Variants in MYLK observed in about 807,000 individuals in gnomAD.
MYLK encodes myosin light chain kinase, also known as myosin light chain kinase, smooth muscle.
MYLK carries 106 observed loss-of-function variants against 203.4 expected under a neutral mutation model. That is an observed-to-expected ratio of 0.52 (90% CI 0.45 to 0.61). MYLK has a LOEUF of 0.61. Ranked by LOEUF, MYLK falls within the 20% of genes least tolerant of loss-of-function variation. MYLK has a pLI of 0.00. For missense variants in MYLK, 2,072 were observed against 2,442.3 expected, an observed-to-expected ratio of 0.85 and a Z score of 3.20; for synonymous variants, 867 against 959.5, an observed-to-expected ratio of 0.90 and a Z score of 1.78.
chr3:123,693,685 C>T (rs1372688852), intron 18 of MYLK: 1 of 152,456 alleles, frequency 6.6e-6, no homozygotes, highest in Non-Finnish European at 1.5e-5. Context: ...TCTAGGGTCT[C>T]GTCCTGGCCC....
At chr3:123,766,437 G>C (rs553373014) in intron 4 of MYLK, among the ~76,000 whole-genome samples, 1 of 152,380 alleles carries the variant, frequency 6.6e-6, no homozygotes, top group African/African-American at 2.4e-5. Flanking sequence ...ACGGAGGAGG[G>C]TGAGGGCTCC....
intron 4 of MYLK, among the ~76,000 whole-genome samples, chr3:123,767,066 G>A (rs115838481): frequency 0.018 from 2,751 of 152,290 alleles, 83 homozygotes; most frequent in African/African-American, 0.063. Flanking sequence ...GGGAAAAGCT[G>A]CCCAGTTACG....
intron 7 of MYLK, among the ~76,000 whole-genome samples, 190 bp downstream of exon 7, chr3:123,738,707 G>A (rs567844535): frequency 6.6e-5 from 10 of 152,282 alleles, no homozygotes; most frequent in South Asian, 4.1e-4. Flanking sequence ...CTTGCCTGCC[G>A]CCATATAAGG....
chr3:123,619,305 G>A (rs1305739559), intron 32 of MYLK, among the ~76,000 whole-genome samples: 1 of 152,194 alleles, frequency 6.6e-6, no homozygotes, highest in African/African-American at 2.4e-5. Flanking sequence ...GCTGTAACTT[G>A]GAGGGACACC....
At position 123,666,805 on chromosome 3, in the gene MYLK, G is replaced by A. The variant is rs1576482196; in HGVS notation, c.3703+332C>T. ...TGGGCACAAAAATAGCCCCAAGAGG[G>A]TCATGTACACAAGGGTAGGGCAGAG... On this transcript the variant is annotated intron_variant, in intron 21 of 33. Coordinates refer to ENST00000360304, the MANE Select transcript of MYLK (RefSeq NM_053025.4). 7.2e-6 allele frequency: 4 copies of A among 552,476 alleles called. No individual in the cohort carries two copies. The East Asian group carries it at 1.3e-4, about 17-fold the overall frequency. 34.2% of individuals were successfully genotyped at this position (552,476 alleles called of 1,614,324 possible).
chr3:123,864,959 T>C (rs2032227090), intron 2 of MYLK, among the ~76,000 whole-genome samples: 1 of 152,178 alleles, frequency 6.6e-6, no homozygotes, highest in Non-Finnish European at 1.5e-5. Context: ...AAACACCTGC[T>C]AACCTCACAA....
chr3:123,782,255 T>G (rs989221312), intron 4 of MYLK, among the ~76,000 whole-genome samples: 14 of 152,268 alleles, frequency 9.2e-5, no homozygotes, highest in Admixed American at 8.5e-4. Context: ...TACAACCCTC[T>G]TGGAATATGG....
chr3:123,733,107 A>G lies in MYLK; in HGVS notation c.1310-5T>C. 5.6e-6 allele frequency: 9 copies of G among 1,613,184 alleles called. No homozygotes were observed. Among genetic ancestry groups the G allele is most frequent in the Non-Finnish European group, 7.6e-6 (9 of 1,179,692 alleles). ...CAGGCTTTGGAATCCCGGAAACTACAGGGCCAGGTAAAGAACGTGAGCTCC... is the reference window on the plus strand; with the variant it reads ...CAGGCTTTGGAATCCCGGAAACTACGGGGCCAGGTAAAGAACGTGAGCTCC... On this transcript the variant is annotated splice_region_variant and splice_polypyrimidine_tract_variant and intron_variant, in intron 10 of 33. Coordinates refer to ENST00000360304, the MANE Select transcript of MYLK (RefSeq NM_053025.4).
Position 123,722,150 on chromosome 3 carries a change from G to A in MYLK, c.1782C>T (p.Cys594=). 1 of 1,566,320 alleles carries A rather than the reference G, an allele frequency of 6.4e-7. No individual in the cohort carries two copies. ...LAENALGQVS[C]SAWVTVHEKK... Reference sequence around the variant, plus strand: ...TACCATGGACGGTGACCCAGGCGCTGCAGGACACCTGCCCCAAGGCATTCT... The same window carrying A: ...TACCATGGACGGTGACCCAGGCGCTACAGGACACCTGCCCCAAGGCATTCT... Residue 594 remains cysteine, a synonymous_variant, in exon 13 of 34, where the codon TGC becomes TGT. Coordinates refer to ENST00000360304, the MANE Select transcript of MYLK (RefSeq NM_053025.4).
Position 123,675,159 on chromosome 3 carries a change from C to T in MYLK, c.3652+7065G>A, listed in dbSNP as rs142447651. Among the ~76,000 whole-genome samples the T allele has an allele frequency of 2.4e-4, 36 of 152,382 alleles. No individual in the cohort carries two copies. In the East Asian group the frequency reaches 6.7e-3, roughly 29 times the overall value. On this transcript the variant is annotated intron_variant, in intron 20 of 33. Transcript: ENST00000360304. ...AACTTTCTATGAAAAGGATCAGTCT[C>T]TGCTGTCCCCTCTGGGATCAAAGCT...
At chr3:123,830,388 T>C (rs1560272096) in intron 3 of MYLK, among the ~76,000 whole-genome samples, 1 of 152,190 alleles carries the variant, frequency 6.6e-6, no homozygotes, top group Non-Finnish European at 1.5e-5. Context: ...ATAGTCACTT[T>C]TAAAAAAATT....
intron 2 of MYLK, among the ~76,000 whole-genome samples, chr3:123,869,889 A>G (rs528090731): frequency 2.0e-5 from 3 of 148,066 alleles, no homozygotes; most frequent in African/African-American, 5.0e-5. Context: ...CCTCCCAATC[A>G]ATTAGGAAAA....
intron 20 of MYLK, among the ~76,000 whole-genome samples, chr3:123,674,709 GTCTT>G (rs1194581140): frequency 6.6e-6 from 1 of 152,240 alleles, no homozygotes; most frequent in Non-Finnish European, 1.5e-5. Flanking sequence ...TACATGGAAT[GTCTT>G]TCAGTTTCTG....
At position 123,778,007 on chromosome 3, in the gene MYLK, T is replaced by A. The variant is rs140362814; in HGVS notation, c.165+15670A>T. Among the ~76,000 whole-genome samples the A allele has an allele frequency of 3.4e-3, 524 of 152,294 alleles. 7 individuals carry two copies. The highest frequency in any genetic ancestry group is 0.012 in the African/African-American group (482 of 41,548). The stretch of plus-strand genomic sequence containing the variant: ...TACAGTGCTTATTTCTGTATGCTAT[T>A]CTTACCCCAGGTTTATTATTTCCTA... On this transcript the variant is annotated intron_variant, in intron 4 of 33. Coordinates refer to ENST00000360304, the MANE Select transcript of MYLK (RefSeq NM_053025.4).
chr3:123,816,000 C>A (rs2065737071), intron 3 of MYLK, among the ~76,000 whole-genome samples: 1 of 152,166 alleles, frequency 6.6e-6, no homozygotes, highest in South Asian at 2.1e-4. Context: ...GCCTTGTCTC[C>A]CCAGCTGCAA....
intron 27 of MYLK, among the ~76,000 whole-genome samples, chr3:123,644,126 A>T (rs820471): frequency 0.99 from 151,018 of 152,356 alleles, 74,850 homozygotes; most frequent in East Asian, 1. Context: ...GACTTAAGGC[A>T]GGGACCCTGG....
intron 4 of MYLK, among the ~76,000 whole-genome samples, chr3:123,761,179 T>C (rs2063522335): frequency 6.6e-6 from 1 of 152,206 alleles, no homozygotes. Flanking sequence ...CAGCAGAGCC[T>C]GCTGCCCAAG....
chr3:123,814,110 T>A (rs1458485595), intron 3 of MYLK: 2 of 329,174 alleles, frequency 6.1e-6, no homozygotes, highest in Non-Finnish European at 1.2e-5. Flanking sequence ...CTGCCCTGCC[T>A]GTGTAGGCAC....
chr3:123,614,980 A>T (rs934425682), intron 33 of MYLK, among the ~76,000 whole-genome samples: 6 of 150,000 alleles, frequency 4.0e-5, no homozygotes, highest in African/African-American at 7.5e-5. Context: ...CTAATTTTTT[A>T]AAAAGTTTTT....
Sources: allele counts gnomAD v4.1 joint callset (sites outside exome capture counted in the v4.1 genomes callset), GRCh38; gene constraint gnomAD v4.1.1; transcripts MANE v1.5; gene names NCBI Gene and HGNC (gene_info 2026-07-23, HGNC 2026-07-21).